Variants in EYS observed in about 807,000 individuals in gnomAD.
EYS encodes the protein EGF-like photoreceptor maintenance factor.
In EYS, 250 loss-of-function variants were observed where a neutral mutation model predicts 282.1. The ratio of observed to expected loss-of-function variants is 0.89; its 90% CI spans 0.80 to 0.98. The LOEUF (loss-of-function observed/expected upper bound fraction) is 0.98, where lower values mean the gene tolerates loss of function less well. Among genes scored for constraint, EYS ranks in the 50% least tolerant of loss-of-function variants. The probability of loss-of-function intolerance (pLI) is 0.00; values close to 1 mark genes in which losing one functional copy is unlikely to be tolerated. For synonymous variants in EYS, 1,355 were observed against 1,282.9 expected (o/e 1.06, Z -1.20); for missense variants, 4,016 against 3,709.0 (o/e 1.08, Z -2.15).
intron 2 of EYS, among the ~76,000 whole-genome samples, chr6:65,514,276 A>C (rs1767029934): frequency 6.6e-6 from 1 of 152,110 alleles, no homozygotes; most frequent in African/African-American, 2.4e-5. Context: ...ACCACTGCTC[A>C]ATGAAATAAA....
chr6:63,847,019 A>T (rs1474795794), intron 36 of EYS, among the ~76,000 whole-genome samples: 1 of 152,194 alleles, frequency 6.6e-6, no homozygotes, highest in East Asian at 1.9e-4. Context: ...ATAAAGACTC[A>T]CATAGCCCTT....
At chr6:65,314,681 T>C (rs1356467390) in intron 11 of EYS, among the ~76,000 whole-genome samples, 3 of 151,368 alleles carry the variant, frequency 2.0e-5, no homozygotes, top group Admixed American at 6.6e-5. Context: ...AGAAATCTTG[T>C]ATCTACTGAA....
chr6:65,127,464 A>T (rs974472026), intron 12 of EYS, among the ~76,000 whole-genome samples: 1 of 152,168 alleles, frequency 6.6e-6, no homozygotes, highest in Non-Finnish European at 1.5e-5. Context: ...AAATACAATA[A>T]ACAAACTACA....
intron 22 of EYS, among the ~76,000 whole-genome samples, chr6:64,676,351 T>TAGAG (rs763594847): frequency 0.056 from 8,165 of 145,222 alleles, 273 homozygotes; most frequent in South Asian, 0.082. Flanking sequence ...TATATATATA[T>TAGAG]AGAGAGAGAG....
chr6:65,486,140 T>C (rs1200437809), intron 5 of EYS, among the ~76,000 whole-genome samples: 2 of 152,214 alleles, frequency 1.3e-5, no homozygotes, highest in Non-Finnish European at 2.9e-5. Context: ...TCACACATAG[T>C]TCATATTTTG....
At chr6:64,599,985 A>G (rs905735287) in intron 24 of EYS, among the ~76,000 whole-genome samples, 2 of 152,146 alleles carry the variant, frequency 1.3e-5, no homozygotes, top group African/African-American at 4.8e-5. Flanking sequence ...TATTATCTCA[A>G]TGACTTTACA....
At chr6:65,207,750 A>G (rs1478419598) in intron 12 of EYS, among the ~76,000 whole-genome samples, 2 of 151,858 alleles carry the variant, frequency 1.3e-5, no homozygotes, top group African/African-American at 2.4e-5. Context: ...GATCTTTGAC[A>G]AAGTCAACAA....
intron 5 of EYS, among the ~76,000 whole-genome samples, chr6:65,488,838 C>G (rs959535700): frequency 3.3e-5 from 5 of 152,246 alleles, no homozygotes; most frequent in Non-Finnish European, 5.9e-5. Context: ...CTACCATCAT[C>G]TGGTCTTCAA....
At chr6:64,732,135 G>A (rs1771991517) in intron 22 of EYS, among the ~76,000 whole-genome samples, 1 of 152,036 alleles carries the variant, frequency 6.6e-6, no homozygotes, top group South Asian at 2.1e-4. Context: ...CACAGGGAGA[G>A]GAACATCACA....
chr6:64,246,983 T>A (rs1767044857), intron 30 of EYS, among the ~76,000 whole-genome samples: 1 of 152,188 alleles, frequency 6.6e-6, no homozygotes, highest in South Asian at 2.1e-4. Context: ...CATTGAAGTT[T>A]GAATGCCTTG....
chr6:64,896,232 C>A (rs993898015), intron 18 of EYS, among the ~76,000 whole-genome samples: 15 of 152,062 alleles, frequency 9.9e-5, no homozygotes, highest in African/African-American at 3.6e-4. Context: ...AACTGAGGTA[C>A]CCAGTTCATC....
At chr6:65,700,847 G>A (rs1769649338) in intron 1 of EYS, among the ~76,000 whole-genome samples, 1 of 152,054 alleles carries the variant, frequency 6.6e-6, no homozygotes, top group Non-Finnish European at 1.5e-5. Flanking sequence ...ATATAGTGTG[G>A]GTTTTGTGTA....
chr6:63,721,033 T>G lies in EYS; in HGVS notation c.8998A>C (p.Ile3000Leu). 1 of 1,551,366 alleles carries G rather than the reference T, an allele frequency of 6.4e-7. No individual in the cohort carries two copies. The change falls in exon 43 of 43, where the codon ATA (isoleucine) becomes CTA (leucine). Residue 3000 changes from isoleucine (I) to leucine (L), a missense_variant. Coordinates refer to ENST00000503581, the MANE Select transcript of EYS (RefSeq NM_001142800.2). ...KTEGLIVWMG[I>L]AQNEENDFLA... The stretch of plus-strand genomic sequence containing the variant: ...AAATCATTTTCTTCATTTTGAGCTA[T>G]TCCCATCCATACAATTAGACCTTCT...
intron 26 of EYS, among the ~76,000 whole-genome samples, 195 bp downstream of exon 26, chr6:64,590,028 T>C (rs1562078646): frequency 6.6e-6 from 1 of 152,150 alleles, no homozygotes; most frequent in East Asian, 1.9e-4. Flanking sequence ...ATTGATCTGG[T>C]AGCCTTTGTG....
At chr6:65,379,768 G>A (rs2150348423) in intron 8 of EYS, among the ~76,000 whole-genome samples, 1 of 152,062 alleles carries the variant, frequency 6.6e-6, no homozygotes. Context: ...CTTCAGCAAA[G>A]TCTCAGGATA....
At chr6:64,550,719 C>T (rs911048038) in intron 26 of EYS, among the ~76,000 whole-genome samples, 11 of 152,114 alleles carry the variant, frequency 7.2e-5, no homozygotes, top group Non-Finnish European at 1.6e-4. Context: ...ACCCCATCGT[C>T]TCAGCCCAAA....
At chr6:65,422,597 A>C (rs1450409880) in intron 5 of EYS, among the ~76,000 whole-genome samples, 1 of 151,806 alleles carries the variant, frequency 6.6e-6, no homozygotes, top group African/African-American at 2.4e-5. Flanking sequence ...AAAATTAAAC[A>C]AAAAAACTGC....
At chr6:64,548,213 G>T (rs961166241) in intron 26 of EYS, among the ~76,000 whole-genome samples, 1 of 152,120 alleles carries the variant, frequency 6.6e-6, no homozygotes. Flanking sequence ...CTGTCAGCAC[G>T]CTGTCACCTC....
chr6:64,693,715 G>A (rs1021933271), intron 22 of EYS, among the ~76,000 whole-genome samples: 5 of 151,954 alleles, frequency 3.3e-5, no homozygotes, highest in Admixed American at 6.6e-5. Context: ...GGTTGGGAAC[G>A]TTCTTAGGTC....
Sources: allele counts gnomAD v4.1 joint callset (sites outside exome capture counted in the v4.1 genomes callset), GRCh38; gene constraint gnomAD v4.1.1; transcripts MANE v1.5; gene names NCBI Gene and HGNC (gene_info 2026-07-23, HGNC 2026-07-21).